The following ZNF292 variants were observed in gnomAD, a reference collection of about 807,000 sequenced individuals.
ZNF292 encodes the protein 16 zinc-finger domain protein.
ZNF292 carries 26 observed loss-of-function variants against 217.9 expected under a neutral mutation model. That is an observed-to-expected ratio of 0.12 (90% CI 0.09 to 0.17). ZNF292 has a LOEUF of 0.17. ZNF292 is among the 10% of genes least tolerant of loss of function. ZNF292 has a pLI of 1.00. For synonymous variants in ZNF292, 1,257 were observed against 1,124.1 expected, an observed-to-expected ratio of 1.12 and a Z score of -2.37; for missense variants, 2,904 against 3,175.2, an observed-to-expected ratio of 0.91 and a Z score of 2.05.
At chr6:87,218,847 A>G (rs1001439872) in intron 4 of ZNF292, 116 bp downstream of exon 4, 16 of 1,171,226 alleles carry the variant, frequency 1.4e-5, no homozygotes, top group African/African-American at 9.6e-5. Flanking sequence ...ATTTAATTAA[A>G]TATCTTCTGA....
intron 5 of ZNF292, among the ~76,000 whole-genome samples, chr6:87,241,485 G>A (rs1178522029): frequency 6.7e-6 from 1 of 148,184 alleles, no homozygotes; most frequent in African/African-American, 2.5e-5. Flanking sequence ...GCAGTGGTGC[G>A]ATTTTGTCTC....
intron 5 of ZNF292, among the ~76,000 whole-genome samples, chr6:87,242,175 A>G (rs1003753318): frequency 2.0e-5 from 3 of 152,166 alleles, no homozygotes; most frequent in Non-Finnish European, 1.5e-5. Context: ...ATTTGCTTAA[A>G]TCAAGTTGCT....
intron 1 of ZNF292, among the ~76,000 whole-genome samples, chr6:87,167,216 C>T (rs1205262662): frequency 6.6e-6 from 1 of 152,218 alleles, no homozygotes; most frequent in Non-Finnish European, 1.5e-5. Flanking sequence ...AGACACTGTA[C>T]TATTGGTATA....
intron 1 of ZNF292, among the ~76,000 whole-genome samples, chr6:87,170,559 C>A (rs753152073): frequency 6.6e-6 from 1 of 152,162 alleles, no homozygotes; most frequent in African/African-American, 2.4e-5. Flanking sequence ...CCTGATACTG[C>A]AAATTCTGCC....
At chr6:87,203,816 G>C (rs979879125) in intron 1 of ZNF292, among the ~76,000 whole-genome samples, 1 of 152,120 alleles carries the variant, frequency 6.6e-6, no homozygotes, top group Non-Finnish European at 1.5e-5. Context: ...GTCAGAGCCA[G>C]AGCAGGGTGA....
At chr6:87,163,898 T>C (rs995949892) in intron 1 of ZNF292, among the ~76,000 whole-genome samples, 1 of 152,178 alleles carries the variant, frequency 6.6e-6, no homozygotes, top group East Asian at 1.9e-4. Context: ...ACTAAGACTT[T>C]AGGATGCCAA....
At chr6:87,210,702 C>T (rs1238123395) in intron 1 of ZNF292, among the ~76,000 whole-genome samples, 1 of 152,102 alleles carries the variant, frequency 6.6e-6, no homozygotes, top group Non-Finnish European at 1.5e-5. Flanking sequence ...ATGGCGTGAA[C>T]CCGGGAGGCG....
At position 87,253,220 on chromosome 6, in the gene ZNF292, CTTT is replaced by C. The variant is rs66511840; in HGVS notation, c.1021-1410_1021-1408del. On this transcript the variant is annotated intron_variant, in intron 7 of 7. Coordinates refer to ENST00000369577, the MANE Select transcript of ZNF292 (RefSeq NM_015021.3). ...TAAACCATGAGCCACCATGCCCAGC[CTTT>C]TTTTTTTTTTTTTTTTTTTGAGACA... Among the ~76,000 whole-genome samples the C allele has an allele frequency of 4.0e-4, 48 of 118,972 alleles. No homozygotes were observed. In the East Asian group the frequency reaches 6.3e-3, roughly 16 times the overall value. 78.1% of individuals were successfully genotyped at this position (118,972 alleles called of 152,430 possible).
intron 1 of ZNF292, chr6:87,170,417 T>A (rs565919314): frequency 1.3e-5 from 2 of 152,362 alleles, no homozygotes; most frequent in Admixed American, 1.3e-4. Context: ...CATTTCTGAA[T>A]GCATGTGTCA....
intron 7 of ZNF292, among the ~76,000 whole-genome samples, chr6:87,246,511 G>A (rs142487855): frequency 6.6e-6 from 1 of 151,914 alleles, no homozygotes; most frequent in African/African-American, 2.4e-5. Context: ...GTTGCTTCTT[G>A]CAGTGACTAA....
intron 1 of ZNF292, among the ~76,000 whole-genome samples, chr6:87,201,924 C>A (rs192972296): frequency 1.3e-5 from 2 of 152,178 alleles, no homozygotes; most frequent in African/African-American, 2.4e-5. Context: ...AAAGCTCTTT[C>A]ATTTCTGTCA....
intron 7 of ZNF292, among the ~76,000 whole-genome samples, chr6:87,248,870 G>A (rs1774746610): frequency 6.6e-6 from 1 of 152,130 alleles, no homozygotes; most frequent in Admixed American, 6.5e-5. Flanking sequence ...CCAGAGGATG[G>A]GGTGCAAAAT....
In ZNF292 at chr6:87,265,510, A is replaced by G. The variant is rs1310873392; in HGVS notation, c.*3709A>G. Among the ~76,000 whole-genome samples, 1 of 152,128 alleles carries G rather than the reference A, an allele frequency of 6.6e-6. No homozygotes were observed. Among genetic ancestry groups the G allele is most frequent in the East Asian group, 1.9e-4 (1 of 5,194 alleles). ...GCAGGTATTACAAGCATGAGCCACC[A>G]CACCCAGCCTCTCTTAAATAATTTA... is the stretch of plus-strand genomic sequence containing the variant. On this transcript the variant is annotated 3_prime_UTR_variant, in exon 8 of 8. Coordinates refer to ENST00000369577, the MANE Select transcript of ZNF292 (RefSeq NM_015021.3).
At position 87,257,081 on chromosome 6, in the gene ZNF292, G is replaced by C. The variant is rs962046805; in HGVS notation, c.3452G>C (p.Gly1151Ala). Reference protein sequence around the residue: ...KANNLNTPNNGKFVYFLPSPV... With the variant: ...KANNLNTPNNAKFVYFLPSPV... ...AACAACTTAAATACACCAAATAATG[G>C]AAAGTTTGTTTATTTTTTGCCATCA... The change falls in exon 8 of 8, where the codon GGA (glycine) becomes GCA (alanine). Residue 1151 changes from glycine to alanine, a missense_variant. By Grantham distance (60) the Gly-to-Ala change is moderately conservative (BLOSUM62 0). Transcript: ENST00000369577. 4.3e-6 allele frequency: 7 copies of C among 1,613,696 alleles called. No individual in the cohort carries two copies. The highest frequency in any genetic ancestry group is 5.1e-6 in the Non-Finnish European group (6 of 1,179,840).
At chr6:87,172,580 T>A (rs1375030611) in intron 1 of ZNF292, among the ~76,000 whole-genome samples, 2 of 152,040 alleles carry the variant, frequency 1.3e-5, no homozygotes, top group Non-Finnish European at 2.9e-5. Context: ...GGAAACCTAA[T>A]ACCAATAAAT....
intron 1 of ZNF292, among the ~76,000 whole-genome samples, chr6:87,179,624 AAT>A (rs903272048): frequency 2.6e-5 from 4 of 152,146 alleles, no homozygotes; most frequent in African/African-American, 9.7e-5. Flanking sequence ...CATATGTATA[AAT>A]ATATATACTA....
At chr6:87,228,341 A>T (rs2127818287) in intron 4 of ZNF292, among the ~76,000 whole-genome samples, 1 of 152,272 alleles carries the variant, frequency 6.6e-6, no homozygotes, top group Admixed American at 6.5e-5. Context: ...CTTATCAGAG[A>T]TATGATTTGC....
At chr6:87,231,309 AC>A (rs1773642721) in intron 4 of ZNF292, among the ~76,000 whole-genome samples, 1 of 152,020 alleles carries the variant, frequency 6.6e-6, no homozygotes, top group South Asian at 2.1e-4. Context: ...TGAGAAGTAG[AC>A]CCAGTAGTCA....
chr6:87,155,878 G>T, intron 1 of ZNF292, 119 bp downstream of exon 1: 8 of 1,281,526 alleles, frequency 6.2e-6, no homozygotes, highest in Non-Finnish European at 8.3e-6. Context: ...GCCTCCGCCT[G>T]GGTGGGAGCG....
Sources: allele counts gnomAD v4.1 joint callset (sites outside exome capture counted in the v4.1 genomes callset), GRCh38; gene constraint gnomAD v4.1.1; transcripts MANE v1.5; gene names NCBI Gene and HGNC (gene_info 2026-07-23, HGNC 2026-07-21).